Variants in PAPPA observed in about 807,000 individuals in gnomAD.
The protein encoded by PAPPA is pappalysin-1.
Under a neutral mutation model 164.0 loss-of-function variants are expected in PAPPA, and 60 were observed. The ratio of observed to expected loss-of-function variants is 0.37; its 90% confidence interval spans 0.30 to 0.45. PAPPA has a LOEUF of 0.45. PAPPA is among the 20% of genes least tolerant of loss of function. The probability of loss-of-function intolerance (pLI) is 1.00; values close to 1 mark genes in which losing one functional copy is unlikely to be tolerated. For missense variants in PAPPA, 1,782 were observed against 2,087.3 expected (o/e 0.85, Z 2.85); for synonymous variants, 875 against 814.1 (o/e 1.07, Z -1.27).
chr9:116,252,319 ATC>A (rs1468261500), intron 7 of PAPPA, among the ~76,000 whole-genome samples: 1 of 152,220 alleles, frequency 6.6e-6, no homozygotes, highest in African/African-American at 2.4e-5. Context: ...GGAGTCTCAG[ATC>A]TCTGTCATCT....
At chr9:116,202,793 A>T (rs1403529372) in intron 2 of PAPPA, among the ~76,000 whole-genome samples, 1 of 152,080 alleles carries the variant, frequency 6.6e-6, no homozygotes, top group Non-Finnish European at 1.5e-5. Context: ...TCTTACTCTT[A>T]TTTTGCATAT....
chr9:116,207,455 GAGC>G lies in PAPPA; in HGVS notation c.1479_1481del (p.Arg493_Ala494delinsSer). On this transcript the variant is annotated inframe_deletion and splice_region_variant, in exon 3 of 22. Coordinates refer to ENST00000328252, the MANE Select transcript of PAPPA (RefSeq NM_002581.5). Reference sequence around the variant, plus strand: ...CAGCCAAGGTTCTTTTTCTGTTTCAGAGCCTACTTGGATGTTAATGAGCTGAAG... The same window carrying G: ...CAGCCAAGGTTCTTTTTCTGTTTCAGCTACTTGGATGTTAATGAGCTGAAG... 6.2e-7 allele frequency: 1 copy of G among 1,607,000 alleles called. No homozygotes were observed. The highest frequency in any genetic ancestry group is 8.5e-7 in the Non-Finnish European group (1 of 1,176,660).
At chr9:116,226,233 A>G (rs930040100) in intron 5 of PAPPA, among the ~76,000 whole-genome samples, 8 of 152,182 alleles carry the variant, frequency 5.3e-5, no homozygotes, top group Non-Finnish European at 2.9e-5. Flanking sequence ...AATCACTGAA[A>G]GAGGTAAGCA....
intron 10 of PAPPA, among the ~76,000 whole-genome samples, chr9:116,319,319 G>C (rs1309325330): frequency 1.3e-5 from 2 of 152,144 alleles, no homozygotes; most frequent in African/African-American, 2.4e-5. Flanking sequence ...AGGAGCTCAA[G>C]CCCCCTGCCC....
intron 2 of PAPPA, among the ~76,000 whole-genome samples, chr9:116,194,099 C>A (rs959882333): frequency 6.6e-6 from 1 of 152,098 alleles, no homozygotes; most frequent in African/African-American, 2.4e-5. Flanking sequence ...AAGGTAGATG[C>A]CACAGTTTTT....
intron 13 of PAPPA, among the ~76,000 whole-genome samples, chr9:116,337,546 ATCCCACT>A: frequency 6.6e-6 from 1 of 152,280 alleles, no homozygotes; most frequent in Non-Finnish European, 1.5e-5. Context: ...TAGGAGAAAC[ATCCCACT>A]TTACTCTCAG....
intron 7 of PAPPA, among the ~76,000 whole-genome samples, chr9:116,260,816 G>A (rs1450844765): frequency 2.0e-5 from 3 of 152,142 alleles, no homozygotes; most frequent in Non-Finnish European, 4.4e-5. Flanking sequence ...GTATTTCATA[G>A]GGAAATACTA....
intron 9 of PAPPA, among the ~76,000 whole-genome samples, chr9:116,284,137 T>G (rs906603160): frequency 2.0e-5 from 3 of 152,208 alleles, no homozygotes; most frequent in Non-Finnish European, 4.4e-5. Context: ...GTTCCTGTCT[T>G]CCAGAAAGTG....
At chr9:116,165,632 A>G (rs1166786134) in intron 1 of PAPPA, among the ~76,000 whole-genome samples, 1 of 152,210 alleles carries the variant, frequency 6.6e-6, no homozygotes, top group Non-Finnish European at 1.5e-5. Flanking sequence ...CAGAATGCAA[A>G]TCTGACTCTG....
At chr9:116,191,970 A>G (rs929999134) in intron 2 of PAPPA, among the ~76,000 whole-genome samples, 4 of 152,142 alleles carry the variant, frequency 2.6e-5, no homozygotes, top group Non-Finnish European at 4.4e-5. Flanking sequence ...GAAAGTGGTT[A>G]TGGGACCCAG....
intron 2 of PAPPA, among the ~76,000 whole-genome samples, chr9:116,189,682 T>C (rs1844018876): frequency 1.1e-4 from 17 of 152,200 alleles, no homozygotes; most frequent in Admixed American, 1.1e-3. Flanking sequence ...CAATATCCAC[T>C]TTCTTGTTTT....
At chr9:116,367,505 T>A (rs938784194) in intron 18 of PAPPA, 140 bp from the exon 19 acceptor site, 2 of 652,320 alleles carry the variant, frequency 3.1e-6, no homozygotes, top group African/African-American at 3.6e-5. Context: ...CTGGCTTGCC[T>A]TCTCCTTCCC....
At chr9:116,368,730 C>T (rs1401558649) in intron 19 of PAPPA, among the ~76,000 whole-genome samples, 1 of 152,222 alleles carries the variant, frequency 6.6e-6, no homozygotes, top group Admixed American at 6.5e-5. Context: ...CGAGGTTCAG[C>T]TCTGTGTCTC....
Position 116,187,365 on chromosome 9 carries a change from G to A in PAPPA, c.627G>A (p.Lys209=). ...CCACCTATGATGGGCAGTTCATGAAGCTCTATGTGAATGGTGCCCAGGTGG... is the reference window on the plus strand; with the variant it reads ...CCACCTATGATGGGCAGTTCATGAAACTCTATGTGAATGGTGCCCAGGTGG... ...LAATYDGQFM[K]LYVNGAQVAT... Residue 209 remains lysine, a synonymous_variant, in exon 2 of 22, where the codon AAG becomes AAA. Coordinates refer to ENST00000328252, the MANE Select transcript of PAPPA (RefSeq NM_002581.5). This position sits in a 1 kb window ranked among gnomAD's most constrained non-coding sequence, Gnocchi z 4.2. The A allele has an allele frequency of 6.2e-7, 1 of 1,614,134 alleles. No individual in the cohort carries two copies. Among genetic ancestry groups the A allele is most frequent in the Non-Finnish European group, 8.5e-7 (1 of 1,180,046 alleles).
At chr9:116,322,864 G>A (rs1282669424) in intron 10 of PAPPA, among the ~76,000 whole-genome samples, 1 of 151,954 alleles carries the variant, frequency 6.6e-6, no homozygotes, top group African/African-American at 2.4e-5. Flanking sequence ...ATCCATCCCC[G>A]CACTCCTCCT....
At chr9:116,316,462 T>G (rs1845788797) in intron 10 of PAPPA, 1 of 152,234 alleles carries the variant, frequency 6.6e-6, no homozygotes, top group South Asian at 2.1e-4. Flanking sequence ...CACCCTGCGT[T>G]TGTGCAGATG....
chr9:116,282,844 C>T (rs1288503434), intron 9 of PAPPA, among the ~76,000 whole-genome samples: 2 of 152,158 alleles, frequency 1.3e-5, no homozygotes, highest in Non-Finnish European at 2.9e-5. Flanking sequence ...TTTTAAGAAA[C>T]ACTGTCTGAA....
At chr9:116,226,923 C>T (rs2118722113) in intron 5 of PAPPA, among the ~76,000 whole-genome samples, 1 of 152,324 alleles carries the variant, frequency 6.6e-6, no homozygotes, top group Non-Finnish European at 1.5e-5. Context: ...CTGGATGGTT[C>T]TTTAGGCATC....
intron 2 of PAPPA, among the ~76,000 whole-genome samples, chr9:116,190,980 C>A (rs1386236564): frequency 7.0e-6 from 1 of 141,902 alleles, no homozygotes; most frequent in Non-Finnish European, 1.5e-5. Flanking sequence ...TGGAAGGTTG[C>A]AGATAAATTT....
Sources: gnomAD v4.1 joint callset for allele counts (sites outside exome capture counted in the v4.1 genomes callset) on GRCh38, gnomAD v4.1.1 for gene constraint, Gnocchi (gnomAD v3.1) non-coding constraint, MANE v1.5 for transcripts, NCBI Gene and HGNC (gene_info 2026-07-23, HGNC 2026-07-21) for gene names.